MTHFD2L: variants seen among roughly 807,000 people sequenced by gnomAD.
The protein encoded by MTHFD2L is bifunctional methylenetetrahydrofolate dehydrogenase/cyclohydrolase 2, mitochondrial.
MTHFD2L carries 29 observed loss-of-function variants against 34.9 expected under a neutral mutation model. That is an observed-to-expected ratio of 0.83 (90% confidence interval 0.62 to 1.13). The LOEUF is 1.13. Among genes scored for constraint, MTHFD2L ranks in the 50% most tolerant of loss-of-function variants. The pLI is 0.00. For missense variants in MTHFD2L, 481 were observed against 446.5 expected (o/e 1.08, Z -0.70); for synonymous variants, 167 against 155.7 (o/e 1.07, Z -0.54).
chr4:74,198,191 C>T (rs1227774189), intron 3 of MTHFD2L, among the ~76,000 whole-genome samples: 1 of 152,162 alleles, frequency 6.6e-6, no homozygotes, highest in Non-Finnish European at 1.5e-5. Flanking sequence ...GTTCTGGCTT[C>T]CAGATTTTCA....
intron 5 of MTHFD2L, among the ~76,000 whole-genome samples, chr4:74,208,955 C>A (rs1735818993): frequency 6.6e-6 from 1 of 152,156 alleles, no homozygotes; most frequent in Non-Finnish European, 1.5e-5. Flanking sequence ...TCAGTCCAGT[C>A]TCCCTCAGAA....
At chr4:74,230,786 C>G (rs1739923742) in intron 6 of MTHFD2L, among the ~76,000 whole-genome samples, 1 of 152,068 alleles carries the variant, frequency 6.6e-6, no homozygotes. Flanking sequence ...ATTCTAAGAT[C>G]ATGTTGGAGA....
chr4:74,138,712 C>T (rs1388767261), intron 1 of MTHFD2L, among the ~76,000 whole-genome samples: 1 of 152,086 alleles, frequency 6.6e-6, no homozygotes, highest in Non-Finnish European at 1.5e-5. Context: ...TGAGCAAAAG[C>T]TCAGCTCGAG....
At chr4:74,211,082 G>A (rs148588522) in intron 5 of MTHFD2L, among the ~76,000 whole-genome samples, 1,771 of 152,240 alleles carry the variant, frequency 0.012, 40 homozygotes, top group African/African-American at 0.041. Flanking sequence ...GAGATTTTGG[G>A]CTGTGGTGAC....
intron 6 of MTHFD2L, among the ~76,000 whole-genome samples, chr4:74,238,374 G>A (rs1430313098): frequency 1.3e-5 from 2 of 152,078 alleles, no homozygotes; most frequent in East Asian, 3.9e-4. Context: ...ATAAATGTTA[G>A]ACTGAAACCA....
intron 3 of MTHFD2L, among the ~76,000 whole-genome samples, chr4:74,185,165 AAAAAAAAAAAAAAAT>A (rs1730942595): frequency 6.6e-6 from 1 of 150,654 alleles, no homozygotes; most frequent in South Asian, 2.1e-4. Flanking sequence ...AAAAAAAAAA[AAAAAAAAAAAAAAAT>A]CTGGAAAATC....
At chr4:74,215,635 C>T (rs748987458) in intron 5 of MTHFD2L, among the ~76,000 whole-genome samples, 1 of 151,862 alleles carries the variant, frequency 6.6e-6, no homozygotes, top group African/African-American at 2.4e-5. Context: ...GGAGCTGCTC[C>T]TATTTGGCCA....
intron 7 of MTHFD2L, among the ~76,000 whole-genome samples, chr4:74,299,857 G>A (rs1311715519): frequency 6.6e-6 from 1 of 151,996 alleles, no homozygotes; most frequent in Non-Finnish European, 1.5e-5. Context: ...ATGGAGGTAG[G>A]TATAAAATTA....
chr4:74,125,448 T>G (rs2109786436), exon 1 of MTHFD2L: 1 of 152,304 alleles, frequency 6.6e-6, no homozygotes, highest in African/African-American at 2.4e-5. Context: ...AGTGTGAAGC[T>G]TATTCATGAA....
At chr4:74,240,116 T>A (rs937620946) in intron 6 of MTHFD2L, among the ~76,000 whole-genome samples, 3 of 152,210 alleles carry the variant, frequency 2.0e-5, no homozygotes, top group Admixed American at 2.0e-4. Flanking sequence ...GGGTTCCCCC[T>A]CCTCTACTTA....
intron 1 of MTHFD2L, among the ~76,000 whole-genome samples, chr4:74,150,655 C>T (rs1723875426): frequency 2.7e-5 from 4 of 150,770 alleles, no homozygotes; most frequent in South Asian, 4.1e-4. Flanking sequence ...CTGCTCCAAA[C>T]ATTATCCCAT....
At chr4:74,199,053 A>G (rs1459462305) in intron 3 of MTHFD2L, among the ~76,000 whole-genome samples, 6 of 152,186 alleles carry the variant, frequency 3.9e-5, no homozygotes, top group Non-Finnish European at 8.8e-5. Context: ...TATATTAGGC[A>G]TATGGGTTAA....
At chr4:74,239,504 G>T (rs536084055) in intron 6 of MTHFD2L, among the ~76,000 whole-genome samples, 5 of 150,046 alleles carry the variant, frequency 3.3e-5, no homozygotes, top group Non-Finnish European at 7.4e-5. Context: ...AAAAAAAAAG[G>T]CTTCTGGATC....
chr4:74,157,968 C>A, upstream of MTHFD2L: 2 of 1,052,092 alleles, frequency 1.9e-6, no homozygotes, highest in Non-Finnish European at 2.8e-6. Context: ...CAGTTCCGTC[C>A]CCGGTCCTGG....
At chr4:74,225,157 T>C (rs1339106958) in intron 5 of MTHFD2L, 145 bp from the exon 6 acceptor site, 4 of 642,530 alleles carry the variant, frequency 6.2e-6, no homozygotes, top group Non-Finnish European at 8.0e-6. Context: ...GGTTTTCTTG[T>C]ATAGCTTTTG....
At chr4:74,291,937 T>C (rs1749017623) in intron 7 of MTHFD2L, among the ~76,000 whole-genome samples, 1 of 152,214 alleles carries the variant, frequency 6.6e-6, no homozygotes, top group Non-Finnish European at 1.5e-5. Flanking sequence ...TAGATAATTA[T>C]AAAGTAGTTC....
intron 5 of MTHFD2L, among the ~76,000 whole-genome samples, chr4:74,208,994 G>C (rs1735826284): frequency 1.3e-5 from 2 of 152,078 alleles, no homozygotes. Context: ...GGCAGAAGGG[G>C]TCATTGTCTG....
At chr4:74,258,578 A>G (rs1434171850) in intron 6 of MTHFD2L, among the ~76,000 whole-genome samples, 1 of 152,148 alleles carries the variant, frequency 6.6e-6, no homozygotes, top group Admixed American at 6.6e-5. Context: ...ACTTGAGTAT[A>G]TGAGGATTTT....
At chr4:74,191,665 C>G (rs529531557) in intron 3 of MTHFD2L, among the ~76,000 whole-genome samples, 8 of 152,230 alleles carry the variant, frequency 5.3e-5, no homozygotes, top group African/African-American at 1.4e-4. Flanking sequence ...GTTCTCCTGC[C>G]TCAGCCTCCC....
Sources: gnomAD v4.1 joint callset for allele counts (sites outside exome capture counted in the v4.1 genomes callset) on GRCh38, gnomAD v4.1.1 for gene constraint, MANE v1.5 for transcripts, NCBI Gene and HGNC (gene_info 2026-07-23, HGNC 2026-07-21) for gene names.